NAP1L4: variants seen among roughly 807,000 people sequenced by gnomAD.
NAP1L4 encodes the protein nucleosome assembly protein 1-like 4.
A neutral mutation model predicts 58.2 loss-of-function variants in NAP1L4; 15 were observed. The ratio of observed to expected loss-of-function variants is 0.26; its 90% confidence interval spans 0.17 to 0.40. The LOEUF is 0.40. Ranked by LOEUF, NAP1L4 falls within the 10% of genes least tolerant of loss-of-function variation. The pLI is 1.00. For synonymous variants in NAP1L4, 171 were observed against 155.6 expected (o/e 1.10, Z -0.74); for missense variants, 384 against 451.1 (o/e 0.85, Z 1.35).
In NAP1L4 at chr11:2,951,029, G is replaced by A. The variant is rs1846195863; in HGVS notation, c.1122+230C>T. On this transcript the variant is annotated intron_variant, in intron 14 of 15. Transcript: ENST00000380542. The surrounding 1 kb of genome is among the most constrained non-coding windows in gnomAD (Gnocchi z 4.0). The stretch of plus-strand genomic sequence containing the variant: ...TCTACTGAGGAGTCTATGTAAATAA[G>A]ACACAGCTTGAGACAGCTGGAAAAG... The A allele has an allele frequency of 1.0e-5, 5 of 481,312 alleles. No homozygotes were observed. The highest frequency in any genetic ancestry group is 7.5e-5 in the Admixed American group (2 of 26,606). The allele number at this position is 481,312 out of a possible 1,614,324, so 29.8% of individuals were successfully genotyped here. A position where few individuals can be genotyped will look rare whatever the true frequency, so the allele number is the denominator to read the frequency against.
chr11:2,948,574 GA>G lies in NAP1L4; in HGVS notation c.*32+652del, dbSNP rs1239493281. Among the ~76,000 whole-genome samples the G allele has an allele frequency of 6.6e-6, 1 of 152,174 alleles. No homozygotes were observed. Among genetic ancestry groups the G allele is most frequent in the African/African-American group, 2.4e-5 (1 of 41,430 alleles). On this transcript the variant is annotated intron_variant, in intron 15 of 15. Transcript: ENST00000380542. This position sits in a 1 kb window ranked among gnomAD's most constrained non-coding sequence, Gnocchi z 5.1. ...ACAGGGACTGAAGAAAGTGGAGTGG[GA>G]AACAGCTTCCAGGCTTACTGACACT...
intron 12 of NAP1L4, chr11:2,952,757 A>G (rs1846306443): frequency 6.6e-6 from 1 of 152,236 alleles, no homozygotes; most frequent in South Asian, 2.1e-4. Flanking sequence ...AGCAGGCTCC[A>G]GGGCCTATTC....
At chr11:2,962,110 AACG>A (rs77212824) in intron 8 of NAP1L4, among the ~76,000 whole-genome samples, 39,959 of 152,046 alleles carry the variant, frequency 0.26, 5,599 homozygotes, top group African/African-American at 0.36. Context: ...ATCCCAACTG[AACG>A]ACCTTTGGGC....
chr11:2,952,433 G>A (rs1846283968), intron 12 of NAP1L4: 1 of 152,584 alleles, frequency 6.6e-6, no homozygotes, highest in Admixed American at 6.5e-5. Flanking sequence ...TACACCAAAA[G>A]CAAAACCACC....
chr11:2,969,365 TACAC>T (rs112028410), intron 7 of NAP1L4, among the ~76,000 whole-genome samples: 2 of 151,118 alleles, frequency 1.3e-5, no homozygotes, highest in African/African-American at 2.4e-5. Flanking sequence ...GATGTGTGTG[TACAC>T]ACACACACAC....
chr11:2,962,431 G>A (rs577517315), intron 8 of NAP1L4, among the ~76,000 whole-genome samples: 5 of 152,312 alleles, frequency 3.3e-5, no homozygotes, highest in African/African-American at 4.8e-5. Flanking sequence ...GTAGGCAAGC[G>A]CTCAAGGGAA....
At chr11:2,970,857 C>CA (rs138910365) in intron 6 of NAP1L4, among the ~76,000 whole-genome samples, 36,719 of 111,008 alleles carry the variant, frequency 0.33, 5,912 homozygotes, top group East Asian at 0.71. Context: ...CACCCCCCCC[C>CA]CAAAAAAAAA....
intron 8 of NAP1L4, 126 bp from the exon 9 acceptor site, chr11:2,960,035 G>C (rs1846771486): frequency 6.7e-5 from 63 of 941,162 alleles, no homozygotes; most frequent in East Asian, 1.1e-4. Flanking sequence ...CCATGAACAA[G>C]AAAAACTTCT....
Position 2,951,855 on chromosome 11 carries a change from G to T in NAP1L4, c.1036-46C>A. The T allele has an allele frequency of 6.3e-7, 1 of 1,588,748 alleles. No homozygotes were observed. The highest frequency in any genetic ancestry group is 1.7e-5 in the Admixed American group (1 of 59,684). On this transcript the variant is annotated intron_variant, in intron 12 of 15. Coordinates refer to ENST00000380542, the MANE Select transcript of NAP1L4 (RefSeq NM_005969.4). This position sits in a 1 kb window ranked among gnomAD's most constrained non-coding sequence, Gnocchi z 4.0. Reference sequence around the variant, plus strand: ...ATTTTTAGGTTTACAAAACATGACAGCAGCCTGCCCAAGACACCAGTCCCA... The same window carrying T: ...ATTTTTAGGTTTACAAAACATGACATCAGCCTGCCCAAGACACCAGTCCCA...
chr11:2,950,397 G>A (rs918754275), intron 14 of NAP1L4, among the ~76,000 whole-genome samples: 1 of 152,188 alleles, frequency 6.6e-6, no homozygotes, highest in Non-Finnish European at 1.5e-5. Context: ...ACTGATGACA[G>A]AGCCAGAATA....
intron 4 of NAP1L4, among the ~76,000 whole-genome samples, chr11:2,974,953 G>A (rs986415704): frequency 3.3e-5 from 5 of 151,810 alleles, no homozygotes; most frequent in African/African-American, 9.7e-5. Flanking sequence ...ACTTGAACCC[G>A]GGAGGCGGAA....
chr11:2,979,645 G>A (rs1330553138), intron 1 of NAP1L4, among the ~76,000 whole-genome samples: 4 of 152,014 alleles, frequency 2.6e-5, no homozygotes, highest in Non-Finnish European at 4.4e-5. Flanking sequence ...GGTGGTGCAC[G>A]CCTGTAATCC....
Position 2,944,470 on chromosome 11 carries a change from C to G in NAP1L4, c.*1209G>C, listed in dbSNP as rs1359858953. 6.6e-6 allele frequency: 1 copy of G among 152,290 alleles called. No homozygotes were observed. The highest frequency in any genetic ancestry group is 1.5e-5 in the Non-Finnish European group (1 of 68,066). 9.4% of individuals were successfully genotyped at this position (152,290 alleles called of 1,614,324 possible). A position where few individuals can be genotyped will look rare whatever the true frequency, so the allele number is the denominator to read the frequency against. On this transcript the variant is annotated 3_prime_UTR_variant, in exon 16 of 16. Coordinates refer to ENST00000380542, the MANE Select transcript of NAP1L4 (RefSeq NM_005969.4). ...TCACCACTTTAATAGAATATTCTAA[C>G]TATTCTGTACAAATTGAAAACACTG... is the stretch of plus-strand genomic sequence containing the variant.
At position 2,948,120 on chromosome 11, in the gene NAP1L4, C is replaced by T. The variant is rs960886966; in HGVS notation, c.*32+1107G>A. On this transcript the variant is annotated intron_variant, in intron 15 of 15. Coordinates refer to ENST00000380542, the MANE Select transcript of NAP1L4 (RefSeq NM_005969.4). The surrounding 1 kb of genome is among the most constrained non-coding windows in gnomAD (Gnocchi z 5.1). The stretch of plus-strand genomic sequence containing the variant: ...AGAGTGGCTAAGTTCTTCAGACATG[C>T]GGGGACAACAGGAATTAATGGCAGC... Among the ~76,000 whole-genome samples the T allele has an allele frequency of 2.0e-5, 3 of 152,126 alleles. No individual in the cohort carries two copies. Among genetic ancestry groups the T allele is most frequent in the East Asian group, 1.9e-4 (1 of 5,196 alleles).
intron 10 of NAP1L4, among the ~76,000 whole-genome samples, chr11:2,957,857 C>A (rs867516855): frequency 3.3e-5 from 5 of 152,286 alleles, no homozygotes; most frequent in Middle Eastern, 3.4e-3. Context: ...CCAAAAAATT[C>A]TATCAAATTA....
chr11:2,945,623 T>C lies in NAP1L4; in HGVS notation c.*56A>G, dbSNP rs1392856898. ...CCTCCGCTTCCTACTGCTGCTTGCA[T>C]TCCGCCGGCTGGCTGGGTTCCTTCT... is the stretch of plus-strand genomic sequence containing the variant. On this transcript the variant is annotated 3_prime_UTR_variant, in exon 16 of 16. Coordinates refer to ENST00000380542, the MANE Select transcript of NAP1L4 (RefSeq NM_005969.4). 1.3e-6 allele frequency: 2 copies of C among 1,535,948 alleles called. No individual in the cohort carries two copies. The highest frequency in any genetic ancestry group is 2.7e-5 in the African/African-American group (2 of 73,036).
chr11:2,964,810 C>T (rs373136137), intron 7 of NAP1L4, 59 bp from the exon 8 acceptor site: 16 of 1,299,602 alleles, frequency 1.2e-5, no homozygotes, highest in Admixed American at 1.8e-5. Context: ...ACATCTCTCC[C>T]GAAGAGTCAT....
In NAP1L4 at chr11:2,951,300, C is replaced by G; in HGVS notation, c.1081G>C (p.Glu361Gln). ...EGEEEELEGD[E>Q]EGEDEDDAEI... ...GCATCATCCTCGTCTTCTCCCTCCTCGTCACCTTCTAATTCCTGTATTTAA... is the reference window on the plus strand; with the variant it reads ...GCATCATCCTCGTCTTCTCCCTCCTGGTCACCTTCTAATTCCTGTATTTAA... Residue 361 changes from glutamate (E) to glutamine (Q), a missense_variant, in exon 14 of 16, where the codon GAG becomes CAG. Coordinates refer to ENST00000380542, the MANE Select transcript of NAP1L4 (RefSeq NM_005969.4). This position sits in a 1 kb window ranked among gnomAD's most constrained non-coding sequence, Gnocchi z 4.0. 1 of 1,614,010 alleles carries G rather than the reference C, an allele frequency of 6.2e-7. No homozygotes were observed. The highest frequency in any genetic ancestry group is 8.5e-7 in the Non-Finnish European group (1 of 1,179,948).
chr11:2,972,323 T>C (rs752676079), intron 4 of NAP1L4, 80 bp from the exon 5 acceptor site: 1 of 1,340,986 alleles, frequency 7.5e-7, no homozygotes, highest in South Asian at 1.6e-5. Flanking sequence ...TTAAAATAAA[T>C]TTAGGTTAAC....
Sources: allele counts gnomAD v4.1 joint callset (sites outside exome capture counted in the v4.1 genomes callset), GRCh38; gene constraint gnomAD v4.1.1; non-coding constraint Gnocchi (gnomAD v3.1); transcripts MANE v1.5; gene names NCBI Gene and HGNC (gene_info 2026-07-23, HGNC 2026-07-21).